MED12L: variants seen among roughly 807,000 people sequenced by gnomAD.
The protein encoded by MED12L is mediator complex subunit 12L.
In MED12L, 60 loss-of-function variants were observed where a neutral mutation model predicts 281.3. The observed-to-expected ratio is 0.21, with a 90% CI of 0.17 to 0.26. The LOEUF (loss-of-function observed/expected upper bound fraction) is 0.26. MED12L is among the 10% of genes least tolerant of loss of function. The pLI, the probability that MED12L is intolerant of heterozygous loss-of-function variation, is 1.00. For missense variants in MED12L, 2,146 were observed against 2,680.9 expected (o/e 0.80, Z 4.41); for synonymous variants, 974 against 987.2 (o/e 0.99, Z 0.25).
intron 16 of MED12L, among the ~76,000 whole-genome samples, chr3:151,304,925 G>C (rs936665317): frequency 3.9e-5 from 6 of 152,130 alleles, no homozygotes; most frequent in Admixed American, 1.3e-4. Flanking sequence ...GGGGGTTGAG[G>C]GGGGTGGATC....
intron 16 of MED12L, among the ~76,000 whole-genome samples, chr3:151,296,573 C>T (rs1444565773): frequency 6.9e-6 from 1 of 145,792 alleles, no homozygotes; most frequent in African/African-American, 2.5e-5. Context: ...CTGCACTGTT[C>T]CTACTCAATC....
At chr3:151,367,516 C>G in intron 23 of MED12L, 130 bp from the exon 24 acceptor site, 1 of 732,170 alleles carries the variant, frequency 1.4e-6, no homozygotes, top group Non-Finnish European at 2.1e-6. Flanking sequence ...GATATGTTAT[C>G]ATTTCCCTCT....
Position 151,365,931 on chromosome 3 carries a change from G to A in MED12L, c.3267G>A (p.Lys1089=), listed in dbSNP as rs571337246. ...VLSSEWLGVL[K]ALCCSSNHVW... is the part of the protein sequence containing the mutation. ...GTTCAGAATGGCTGGGGGTTCTGAA[G>A]GCTCTTTGTTGTTCTTCAAATCACG... The change falls in exon 23 of 45, where the codon AAG becomes AAA. Residue 1089 remains lysine, a synonymous_variant. Transcript: ENST00000687756. 2.5e-6 allele frequency: 4 copies of A among 1,613,446 alleles called. No individual in the cohort carries two copies. In the South Asian group the frequency reaches 4.4e-5, roughly 18 times the overall value.
At chr3:151,287,472 C>T (rs1253967923) in intron 16 of MED12L, among the ~76,000 whole-genome samples, 1 of 152,082 alleles carries the variant, frequency 6.6e-6, no homozygotes, top group Non-Finnish European at 1.5e-5. Context: ...CTCAGATTTT[C>T]AGTTCAGGGG....
intron 16 of MED12L, among the ~76,000 whole-genome samples, chr3:151,276,356 C>G (rs983187220): frequency 6.6e-6 from 1 of 152,244 alleles, no homozygotes; most frequent in African/African-American, 2.4e-5. Flanking sequence ...CACTCTTGTA[C>G]TGATATAATT....
Position 151,176,995 on chromosome 3 carries a change from C to T in MED12L, c.1495-8335C>T, listed in dbSNP as rs1722130967. 2.0e-5 allele frequency among the ~76,000 whole-genome samples: 3 copies of T among 152,284 alleles called. No homozygotes were observed. In the South Asian group the frequency reaches 6.2e-4, roughly 32 times the overall value. The stretch of plus-strand genomic sequence containing the variant: ...ACCGTGGAAGGTGCTGAAAATAAAA[C>T]CGTGAAAATGACAGTAAGTCTAGCA... On this transcript the variant is annotated intron_variant, in intron 11 of 44. Coordinates refer to ENST00000687756, the MANE Select transcript of MED12L (RefSeq NM_001393769.1).
At chr3:151,323,092 C>G (rs1481650507) in intron 16 of MED12L, among the ~76,000 whole-genome samples, 3 of 152,174 alleles carry the variant, frequency 2.0e-5, no homozygotes, top group Non-Finnish European at 4.4e-5. Flanking sequence ...GGGGTGGAGG[C>G]ATTATGGATC....
intron 39 of MED12L, among the ~76,000 whole-genome samples, chr3:151,398,267 G>T (rs1715241516): frequency 6.6e-6 from 1 of 152,168 alleles, no homozygotes; most frequent in Non-Finnish European, 1.5e-5. Flanking sequence ...AAACCTAAAT[G>T]GGAAAGGTAA....
intron 16 of MED12L, among the ~76,000 whole-genome samples, chr3:151,251,410 T>G (rs949851450): frequency 6.6e-6 from 1 of 152,166 alleles, no homozygotes; most frequent in Non-Finnish European, 1.5e-5. Context: ...AAATATTTCT[T>G]GACTGTTATT....
intron 5 of MED12L, among the ~76,000 whole-genome samples, chr3:151,132,633 C>G (rs893302883): frequency 1.3e-5 from 2 of 152,106 alleles, no homozygotes; most frequent in African/African-American, 2.4e-5. Context: ...CTATTCTACC[C>G]TTTGTAATTA....
At chr3:151,151,031 C>CTTTTTTTATTTTTTTTTTTT (rs1718402674) in intron 5 of MED12L, among the ~76,000 whole-genome samples, 1 of 32,880 alleles carries the variant, frequency 3.0e-5, no homozygotes, top group Non-Finnish European at 5.4e-5. Context: ...GCTGAAGTAG[C>CTTTTTTTATTTTTTTTTTTT]TTTTTTTTTT....
At chr3:151,161,529 G>C (rs934876493) in intron 8 of MED12L, among the ~76,000 whole-genome samples, 1 of 152,082 alleles carries the variant, frequency 6.6e-6, no homozygotes, top group Non-Finnish European at 1.5e-5. Context: ...AGAGAACAGG[G>C]GGAGAGTATT....
intron 11 of MED12L, among the ~76,000 whole-genome samples, chr3:151,179,952 C>T (rs970981478): frequency 6.6e-6 from 1 of 152,162 alleles, no homozygotes; most frequent in Non-Finnish European, 1.5e-5. Context: ...ATTCCCACCA[C>T]TCTAAATATC....
intron 2 of MED12L, among the ~76,000 whole-genome samples, chr3:151,115,712 T>G (rs1712665598): frequency 6.6e-6 from 1 of 152,056 alleles, no homozygotes; most frequent in Admixed American, 6.6e-5. Context: ...CATTTTTTTC[T>G]TTTTCTAACT....
intron 19 of MED12L, 48 bp downstream of exon 19, chr3:151,356,087 C>G (rs766989646): frequency 4.4e-6 from 7 of 1,577,122 alleles, no homozygotes; most frequent in Non-Finnish European, 6.0e-6. Context: ...GCAAATCCAC[C>G]AGGCATTGTG....
chr3:151,094,161 TAAAGAAAAA>T (rs1720422076), intron 2 of MED12L, among the ~76,000 whole-genome samples: 1 of 152,030 alleles, frequency 6.6e-6, no homozygotes, highest in South Asian at 2.1e-4. Context: ...AGTAGAGAGT[TAAAGAAAAA>T]AGAAAAGCAG....
intron 16 of MED12L, among the ~76,000 whole-genome samples, chr3:151,241,331 GA>G (rs774700465): frequency 5.3e-5 from 8 of 152,152 alleles, no homozygotes; most frequent in Non-Finnish European, 8.8e-5. Context: ...CAATATCAAA[GA>G]GTATGGCAAA....
chr3:151,362,412 G>A (rs1364522465), intron 21 of MED12L, among the ~76,000 whole-genome samples: 1 of 151,850 alleles, frequency 6.6e-6, no homozygotes, highest in Non-Finnish European at 1.5e-5. Flanking sequence ...AACACTCTAA[G>A]AACAACCCAC....
rs1032213329 is a variant in MED12L, at chr3:151,435,190, G to A, written c.*2386G>A. The A allele has an allele frequency of 8.6e-6, 1 of 115,876 alleles. No homozygotes were observed. Among genetic ancestry groups the A allele is most frequent in the African/African-American group, 3.5e-5 (1 of 28,628 alleles). The allele number at this position is 115,876 out of a possible 1,614,324, so 7.2% of individuals were successfully genotyped here. On this transcript the variant is annotated 3_prime_UTR_variant, in exon 45 of 45. Coordinates refer to ENST00000687756, the MANE Select transcript of MED12L (RefSeq NM_001393769.1). The stretch of plus-strand genomic sequence containing the variant: ...GAGGAAATTACCTTAGAATAAGATG[G>A]AGCGAGACCCCAGCTCCCCTTAAAG...
Sources: allele counts gnomAD v4.1 joint callset (sites outside exome capture counted in the v4.1 genomes callset), GRCh38; gene constraint gnomAD v4.1.1; transcripts MANE v1.5; gene names NCBI Gene and HGNC (gene_info 2026-07-23, HGNC 2026-07-21).